The following EPM2A variants were observed in gnomAD, a reference collection of about 807,000 sequenced individuals.
EPM2A encodes the protein EPM2A glucan phosphatase, laforin.
In EPM2A, 21 loss-of-function variants were observed where a neutral mutation model predicts 26.5. That is an observed-to-expected ratio of 0.79 (90% CI 0.56 to 1.14). The LOEUF (loss-of-function observed/expected upper bound fraction) is 1.14. EPM2A is among the 50% of genes most tolerant of loss of function. The pLI, the probability that EPM2A is intolerant of heterozygous loss-of-function variation, is 0.00. For synonymous variants in EPM2A, 217 were observed against 177.6 expected, an observed-to-expected ratio of 1.22 and a Z score of -1.76; for missense variants, 458 against 440.8, an observed-to-expected ratio of 1.04 and a Z score of -0.35.
At chr6:145,723,197 G>A (rs1776030242) in intron 1 of EPM2A, among the ~76,000 whole-genome samples, 1 of 152,060 alleles carries the variant, frequency 6.6e-6, no homozygotes, top group African/African-American at 2.4e-5. Flanking sequence ...AGTTTGTGCA[G>A]GACAAATGAA....
rs1778385507 is a variant in EPM2A at position 145,657,503 on chromosome 6, A to G, written c.477-22017T>C. Among the ~76,000 whole-genome samples, 4 of 152,140 alleles carry G rather than the reference A, an allele frequency of 2.6e-5. No individual in the cohort carries two copies. The South Asian group carries it at 8.3e-4, about 32-fold the overall frequency. The stretch of plus-strand genomic sequence containing the variant: ...TATTTAACTGACAGGATTTATTCTC[A>G]CTATTAGATTCTATTTAATTTTTCT... On this transcript the variant is annotated intron_variant, in intron 2 of 3. Coordinates refer to ENST00000367519, the MANE Select transcript of EPM2A (RefSeq NM_005670.4).
At chr6:145,421,916 A>T (rs997331638) in intron 4 of EPM2A, among the ~76,000 whole-genome samples, 1 of 150,752 alleles carries the variant, frequency 6.6e-6, no homozygotes, top group Non-Finnish European at 1.5e-5. Context: ...CTAAACTATG[A>T]TTTTTAAAAA....
intron 1 of EPM2A, among the ~76,000 whole-genome samples, chr6:145,726,086 G>C (rs776068299): frequency 2.6e-5 from 4 of 151,972 alleles, no homozygotes; most frequent in Non-Finnish European, 5.9e-5. Context: ...GTGGAGGAAG[G>C]AGACATAAAA....
chr6:145,673,415 G>A (rs957019068), intron 2 of EPM2A, among the ~76,000 whole-genome samples: 1 of 152,180 alleles, frequency 6.6e-6, no homozygotes, highest in Non-Finnish European at 1.5e-5. Flanking sequence ...TCATCTCACT[G>A]GGACTGGTTG....
intron 4 of EPM2A, among the ~76,000 whole-genome samples, chr6:145,486,865 T>C (rs75909080): frequency 0.021 from 3,121 of 152,236 alleles, 48 homozygotes; most frequent in Admixed American, 0.031. Flanking sequence ...AATTCAGGGG[T>C]ACGTGTACAG....
chr6:145,689,770 C>T (rs528316616), intron 1 of EPM2A, among the ~76,000 whole-genome samples: 80 of 152,326 alleles, frequency 5.3e-4, no homozygotes, highest in African/African-American at 1.9e-3. Context: ...AGCTGTATTG[C>T]AGTGCCTCAA....
intron 2 of EPM2A, among the ~76,000 whole-genome samples, chr6:145,570,226 C>G (rs1344366444): frequency 6.6e-6 from 1 of 152,126 alleles, no homozygotes; most frequent in Non-Finnish European, 1.5e-5. Flanking sequence ...TCAATCCAAT[C>G]AAGTCGATAC....
chr6:145,421,226 A>G (rs1778777004), intron 4 of EPM2A, among the ~76,000 whole-genome samples: 1 of 152,172 alleles, frequency 6.6e-6, no homozygotes, highest in South Asian at 2.1e-4. Flanking sequence ...TGCTGTAAAT[A>G]GACAGTGAAG....
intron 4 of EPM2A, among the ~76,000 whole-genome samples, chr6:145,482,877 T>TTA (rs397803185): frequency 6.6e-6 from 1 of 151,792 alleles, no homozygotes; most frequent in African/African-American, 2.4e-5. Context: ...TTTTTTTTTT[T>TTA]CTGTGGCTTA....
chr6:145,385,754 T>C (rs1053897416), intron 4 of EPM2A, among the ~76,000 whole-genome samples: 1 of 152,168 alleles, frequency 6.6e-6, no homozygotes, highest in African/African-American at 2.4e-5. Flanking sequence ...TCACACTCTT[T>C]ACAAATGACC....
intron 4 of EPM2A, among the ~76,000 whole-genome samples, chr6:145,450,484 A>AT (rs1368295735): frequency 6.6e-6 from 1 of 152,092 alleles, no homozygotes; most frequent in African/African-American, 2.4e-5. Context: ...CTGTATATGT[A>AT]TTCTCACCAA....
intron 3 of EPM2A, chr6:145,628,268 T>A (rs9376955): frequency 0.49 from 75,404 of 154,420 alleles, 19,078 homozygotes; most frequent in African/African-American, 0.6. Context: ...TTCCCTCGAG[T>A]TACAATGAAT....
chr6:145,667,194 C>T (rs1779268391), intron 2 of EPM2A, among the ~76,000 whole-genome samples: 1 of 93,018 alleles, frequency 1.1e-5, no homozygotes, highest in African/African-American at 5.3e-5. Context: ...AGCTTCTGCA[C>T]AGCAAAAGAA....
intron 2 of EPM2A, among the ~76,000 whole-genome samples, chr6:145,534,386 T>A (rs1387774309): frequency 1.3e-5 from 2 of 152,240 alleles, no homozygotes; most frequent in Non-Finnish European, 2.9e-5. Context: ...AAGTTTTATA[T>A]CTCTGCAAAT....
At chr6:145,579,888 G>A (rs1276019911) in intron 2 of EPM2A, among the ~76,000 whole-genome samples, 1 of 151,788 alleles carries the variant, frequency 6.6e-6, no homozygotes, top group Non-Finnish European at 1.5e-5. Context: ...GTTTATATTA[G>A]TTATCTCTAA....
intron 1 of EPM2A, among the ~76,000 whole-genome samples, chr6:145,688,498 A>C (rs1347706772): frequency 6.6e-6 from 1 of 152,212 alleles, no homozygotes; most frequent in East Asian, 1.9e-4. Context: ...TCATCTATCT[A>C]GTTCTGGCAA....
At chr6:145,633,708 A>G (rs1298031776) in intron 3 of EPM2A, 2 of 152,184 alleles carry the variant, frequency 1.3e-5, no homozygotes, top group Non-Finnish European at 2.9e-5. Flanking sequence ...TCTTGGGGAG[A>G]CAAGCTACTT....
intron 2 of EPM2A, among the ~76,000 whole-genome samples, chr6:145,517,950 A>T (rs1290365975): frequency 1.3e-5 from 2 of 152,176 alleles, no homozygotes; most frequent in African/African-American, 2.4e-5. Flanking sequence ...AGAAAAAAAA[A>T]TTTTATCCTT....
At chr6:145,591,747 G>T (rs541825110) in intron 2 of EPM2A, among the ~76,000 whole-genome samples, 1 of 151,870 alleles carries the variant, frequency 6.6e-6, no homozygotes, top group Non-Finnish European at 1.5e-5. Flanking sequence ...TCTATATAAA[G>T]AAAGGAAGAG....
Sources: gnomAD v4.1 joint callset for allele counts (sites outside exome capture counted in the v4.1 genomes callset) on GRCh38, gnomAD v4.1.1 for gene constraint, MANE v1.5 for transcripts, NCBI Gene and HGNC (gene_info 2026-07-23, HGNC 2026-07-21) for gene names.